The following BRIP1 variants were observed in gnomAD, a reference collection of about 807,000 sequenced individuals.
BRIP1 encodes Fanconi anemia group J protein.
A neutral mutation model predicts 119.7 loss-of-function variants in BRIP1; 88 were observed. The observed-to-expected ratio is 0.74, with a 90% CI of 0.62 to 0.88. The LOEUF is 0.88. Among genes scored for constraint, BRIP1 ranks in the 40% least tolerant of loss-of-function variants. The pLI is 0.00. For missense variants in BRIP1, 1,259 were observed against 1,455.4 expected, an observed-to-expected ratio of 0.87 and a Z score of 2.20; for synonymous variants, 443 against 496.5, an observed-to-expected ratio of 0.89 and a Z score of 1.43.
chr17:61,734,856 CT>C lies in BRIP1; in HGVS notation c.2379+8156del, dbSNP rs1285323765. On this transcript the variant is annotated intron_variant, in intron 16 of 19. Coordinates refer to ENST00000259008, the MANE Select transcript of BRIP1 (RefSeq NM_032043.3). The surrounding 1 kb of genome is among the most constrained non-coding windows in gnomAD (Gnocchi z 5.2). ...ATCATAAAATTAATGTCACTGCCTT[CT>C]TTTTCCCACTCAAATCACTTTTCTG... 2.0e-5 allele frequency among the ~76,000 whole-genome samples: 3 copies of C among 152,150 alleles called. No individual in the cohort carries two copies. The highest frequency in any genetic ancestry group is 4.4e-5 in the Non-Finnish European group (3 of 68,022).
Position 61,679,581 on chromosome 17 carries a change from TA to T in BRIP1, c.*3714del, listed in dbSNP as rs1360283276. On this transcript the variant is annotated 3_prime_UTR_variant, in exon 20 of 20. Coordinates refer to ENST00000259008, the MANE Select transcript of BRIP1 (RefSeq NM_032043.3). The surrounding 1 kb of genome is among the most constrained non-coding windows in gnomAD (Gnocchi z 4.4). ...CTCTACCTTATACATCTCAAAAGCT[TA>T]AAAAATAAGCCAGCCAAATAATTTT... Among the ~76,000 whole-genome samples, 1 of 152,134 alleles carries T rather than the reference TA, an allele frequency of 6.6e-6. No individual in the cohort carries two copies.
chr17:61,779,360 T>C (rs2145062396), intron 13 of BRIP1, among the ~76,000 whole-genome samples: 1 of 152,326 alleles, frequency 6.6e-6, no homozygotes, highest in African/African-American at 2.4e-5. Flanking sequence ...GTGGACTGCC[T>C]GAGCCTGGGA....
rs587782254 is a variant in BRIP1, at chr17:61,780,984, A to C, written c.1650T>G (p.Ile550Met). Residue 550 changes from isoleucine to methionine, a missense_variant, in exon 12 of 20, where the codon ATT (isoleucine) becomes ATG (methionine). By Grantham distance (10) the Ile-to-Met change is conservative. This residue lies in a region of BRIP1 where 753 missense variants were observed against 891.8 expected (regional missense o/e 0.84). Transcript: ENST00000259008. The surrounding 1 kb of genome is among the most constrained non-coding windows in gnomAD (Gnocchi z 5.4). ...TCCAGGAGTAAGTCTGTTGAATCGC[A>C]ATTTTATAATCATCTGCAAATCTAG... ...QNSRFADDYK[I>M]AIQQTYSWTN... 2.5e-6 allele frequency: 4 copies of C among 1,613,858 alleles called. No individual in the cohort carries two copies. The highest frequency in any genetic ancestry group is 2.7e-5 in the African/African-American group (2 of 74,932).
rs77275435 is a variant in BRIP1, at chr17:61,836,890, G to C, written c.627+10211C>G. Among the ~76,000 whole-genome samples, 1,519 of 152,252 alleles carry C rather than the reference G, an allele frequency of 1.0e-2. 17 individuals carry two copies. Among genetic ancestry groups the C allele is most frequent in the African/African-American group, 0.034 (1,397 of 41,548 alleles). ...AGTCATCTGGAAGAGTTTATTCAGA[G>C]ACAGAATAGTGAGGTGGTTTAGAGG... On this transcript the variant is annotated intron_variant, in intron 6 of 19. Transcript: ENST00000259008.
rs774586397 is a variant in BRIP1, at chr17:61,859,893, T to G, written c.108A>C (p.Leu36Phe). The part of the protein sequence containing the change: ...LAMMNSILRG[L>F]NSKQHCLLES... The stretch of plus-strand genomic sequence containing the variant: ...CCAACAAACAATGTTGCTTGCTGTT[T>G]AATCCTCTGAGAATCTATGAACACA... Residue 36 changes from leucine to phenylalanine, a missense_variant, in exon 3 of 20, where the codon TTA (leucine) becomes TTC (phenylalanine). Leu to Phe is a conservative substitution (Grantham distance 22). This residue lies in a region of BRIP1 where 501 missense variants were observed against 544.0 expected (regional missense o/e 0.92). Transcript: ENST00000259008. 2.7e-5 allele frequency: 44 copies of G among 1,610,784 alleles called. No homozygotes were observed. The South Asian group carries it at 4.8e-4, about 18-fold the overall frequency.
chr17:61,721,189 G>T (rs940668470), intron 16 of BRIP1, among the ~76,000 whole-genome samples: 1 of 145,564 alleles, frequency 6.9e-6, no homozygotes. Flanking sequence ...AAAGAAAACA[G>T]AACAGTACAC....
At chr17:61,839,057 T>G (rs1395931726) in intron 6 of BRIP1, among the ~76,000 whole-genome samples, 1 of 152,076 alleles carries the variant, frequency 6.6e-6, no homozygotes, top group African/African-American at 2.4e-5. Flanking sequence ...ACCAAAGTAA[T>G]TTCCTACAAG....
In BRIP1 at chr17:61,844,618, C is replaced by T. The variant is rs535108115; in HGVS notation, c.627+2483G>A. On this transcript the variant is annotated intron_variant, in intron 6 of 19. Transcript: ENST00000259008. The surrounding 1 kb of genome is among the most constrained non-coding windows in gnomAD (Gnocchi z 4.7). ...AAATAAAGCAAACAAAAACAATTCC[C>T]AAGAAAAAAAAATCTTAATCACAGG... is the stretch of plus-strand genomic sequence containing the variant. Among the ~76,000 whole-genome samples the T allele has an allele frequency of 1.7e-4, 26 of 151,922 alleles. No homozygotes were observed. In the South Asian group the frequency reaches 5.2e-3, roughly 30 times the overall value.
chr17:61,711,611 G>A (rs1227255905), intron 17 of BRIP1, among the ~76,000 whole-genome samples: 3 of 151,992 alleles, frequency 2.0e-5, no homozygotes, highest in Non-Finnish European at 4.4e-5. Context: ...GCTCACGCCT[G>A]TAATCTTAAC....
rs148731603 is a variant in BRIP1, at chr17:61,724,289, T to C, written c.2380-8226A>G. Among the ~76,000 whole-genome samples, 2 of 152,218 alleles carry C rather than the reference T, an allele frequency of 1.3e-5. No homozygotes were observed. Among genetic ancestry groups the C allele is most frequent in the African/African-American group, 4.8e-5 (2 of 41,562 alleles). Reference sequence around the variant, plus strand: ...GATTCTGATTTTTACCATTATATCATAATGTACTTGAGATTGAACAGAAAG... The same window carrying C: ...GATTCTGATTTTTACCATTATATCACAATGTACTTGAGATTGAACAGAAAG... On this transcript the variant is annotated intron_variant, in intron 16 of 19. Coordinates refer to ENST00000259008, the MANE Select transcript of BRIP1 (RefSeq NM_032043.3). This position sits in a 1 kb window ranked among gnomAD's most constrained non-coding sequence, Gnocchi z 5.1.
rs2145266344 is a variant in BRIP1 at position 61,795,908 on chromosome 17, C to T, written c.1341-2179G>A. Reference sequence around the variant, plus strand: ...GGGTTGTCTTTTCTCCACATCCTTGCCAGCATTTGTTATTGCCTGTCTTTT... The same window carrying T: ...GGGTTGTCTTTTCTCCACATCCTTGTCAGCATTTGTTATTGCCTGTCTTTT... On this transcript the variant is annotated intron_variant, in intron 9 of 19. Transcript: ENST00000259008. The surrounding 1 kb of genome is among the most constrained non-coding windows in gnomAD (Gnocchi z 5.6). Among the ~76,000 whole-genome samples the T allele has an allele frequency of 6.6e-6, 1 of 152,154 alleles. No individual in the cohort carries two copies. The highest frequency in any genetic ancestry group is 1.9e-4 in the East Asian group (1 of 5,170).
At chr17:61,782,310 C>T (rs188513341) in intron 11 of BRIP1, among the ~76,000 whole-genome samples, 6 of 143,720 alleles carry the variant, frequency 4.2e-5, no homozygotes, top group Admixed American at 1.5e-4. Context: ...GGCATGAACC[C>T]GGGAGGCTGA....
Position 61,683,992 on chromosome 17 carries a change from C to T in BRIP1, c.3054G>A (p.Lys1018=), listed in dbSNP as rs1200562739. Residue 1018 remains lysine, a synonymous_variant, in exon 20 of 20, where the codon AAG becomes AAA. Transcript: ENST00000259008. The surrounding 1 kb of genome is among the most constrained non-coding windows in gnomAD (Gnocchi z 4.7). ...LGQYFTGKIP[K]ATPELGSSEN... ...CTGATGACCCGAGCTCAGGTGTTGCCTTCGGTATTTTACCAGTAAAATACT... is the reference window on the plus strand; with the variant it reads ...CTGATGACCCGAGCTCAGGTGTTGCTTTCGGTATTTTACCAGTAAAATACT... 2 of 1,614,040 alleles carry T rather than the reference C, an allele frequency of 1.2e-6. No individual in the cohort carries two copies. The highest frequency in any genetic ancestry group is 2.2e-5 in the South Asian group (2 of 91,074).
intron 17 of BRIP1, among the ~76,000 whole-genome samples, chr17:61,702,058 G>C (rs2061622496): frequency 6.6e-6 from 1 of 152,154 alleles, no homozygotes; most frequent in Admixed American, 6.5e-5. Flanking sequence ...ATTCTTCCTA[G>C]AATGCTGTAA....
At chr17:61,741,866 G>A (rs1256906111) in intron 16 of BRIP1, among the ~76,000 whole-genome samples, 1 of 152,186 alleles carries the variant, frequency 6.6e-6, no homozygotes, top group African/African-American at 2.4e-5. Flanking sequence ...TCAACTTAAA[G>A]TCACCAGCTG....
rs2145023141 is a variant in BRIP1 at position 61,776,340 on chromosome 17, G to C, written c.2097+61C>G. 1 of 1,585,440 alleles carries C rather than the reference G, an allele frequency of 6.3e-7. No homozygotes were observed. The highest frequency in any genetic ancestry group is 8.7e-7 in the Non-Finnish European group (1 of 1,154,588). On this transcript the variant is annotated intron_variant, in intron 14 of 19. Transcript: ENST00000259008. The surrounding 1 kb of genome is among the most constrained non-coding windows in gnomAD (Gnocchi z 5.0). The stretch of plus-strand genomic sequence containing the variant: ...ACTGTGGTAATTTTAAAATTAGCAT[G>C]CCAATGTTTAAAATGTAAATGATTA...
chr17:61,785,477 G>A (rs1475000478), intron 10 of BRIP1, among the ~76,000 whole-genome samples: 1 of 151,688 alleles, frequency 6.6e-6, no homozygotes, highest in African/African-American at 2.4e-5. Context: ...AATAAAATGG[G>A]GAAATAGGAT....
At chr17:61,765,491 C>CATGGCGT (rs1216608910) in intron 14 of BRIP1, among the ~76,000 whole-genome samples, 1 of 115,848 alleles carries the variant, frequency 8.6e-6, no homozygotes, top group Non-Finnish European at 1.6e-5. Context: ...GGCTGGAGTG[C>CATGGCGT]ATGGCGTGAT....
In BRIP1 at chr17:61,703,213, G is replaced by A. The variant is rs569607243; in HGVS notation, c.2493-9701C>T. 8.6e-4 allele frequency among the ~76,000 whole-genome samples: 131 copies of A among 152,130 alleles called. 1 individual carries two copies. Among genetic ancestry groups the A allele is most frequent in the African/African-American group, 2.8e-3 (117 of 41,518 alleles). ...CAAGTAGCTGGAATTACAGGTGTGC[G>A]CCACAACACCCACCTAATTTTTGTA... On this transcript the variant is annotated intron_variant, in intron 17 of 19. Coordinates refer to ENST00000259008, the MANE Select transcript of BRIP1 (RefSeq NM_032043.3). This position sits in a 1 kb window ranked among gnomAD's most constrained non-coding sequence, Gnocchi z 5.0.
Sources: gnomAD v4.1 joint callset for allele counts (sites outside exome capture counted in the v4.1 genomes callset) on GRCh38, gnomAD v4.1.1 for gene constraint, gnomAD v4.1.1 regional missense constraint, Gnocchi (gnomAD v3.1) non-coding constraint, MANE v1.5 for transcripts, NCBI Gene and HGNC (gene_info 2026-07-23, HGNC 2026-07-21) for gene names.